The following SENP7 variants were observed in gnomAD, a reference collection of about 807,000 sequenced individuals.
SENP7 encodes SUMO specific peptidase 7.
Under a neutral mutation model 141.2 loss-of-function variants are expected in SENP7, and 64 were observed. The observed-to-expected ratio is 0.45, with a 90% CI of 0.37 to 0.56. The LOEUF is 0.56. Ranked by LOEUF, SENP7 falls within the 20% of genes least tolerant of loss-of-function variation. The probability of loss-of-function intolerance (pLI) is 0.00; values close to 1 mark genes in which losing one functional copy is unlikely to be tolerated. For missense variants in SENP7, 1,025 were observed against 1,212.2 expected, an observed-to-expected ratio of 0.85 and a Z score of 2.29; for synonymous variants, 382 against 426.4, an observed-to-expected ratio of 0.90 and a Z score of 1.28.
intron 3 of SENP7, among the ~76,000 whole-genome samples, chr3:101,488,904 T>C (rs2064844527): frequency 6.6e-6 from 1 of 151,946 alleles, no homozygotes; most frequent in African/African-American, 2.4e-5. Context: ...TAAAGGCAGC[T>C]AGAGAGAAGG....
At chr3:101,429,722 C>G (rs775984945) in intron 4 of SENP7, among the ~76,000 whole-genome samples, 1 of 152,142 alleles carries the variant, frequency 6.6e-6, no homozygotes, top group Non-Finnish European at 1.5e-5. Context: ...ACTTCCAATA[C>G]TACGTTGAAT....
rs1485003089 is a variant in SENP7, at chr3:101,417,535, G to A, written c.482+58C>T. 28 of 1,337,008 alleles carry A rather than the reference G, an allele frequency of 2.1e-5. 1 individual carries two copies. Among genetic ancestry groups the A allele is most frequent in the African/African-American group, 4.3e-5 (3 of 69,170 alleles). 82.8% of individuals were successfully genotyped at this position (1,337,008 alleles called of 1,614,324 possible). ...TCAACAATTTTATCATTAGGAGTAC[G>A]GGATTCATATTATTTCAAATGTGGT... is the stretch of plus-strand genomic sequence containing the variant. On this transcript the variant is annotated intron_variant, in intron 5 of 23. Transcript: ENST00000394095.
chr3:101,438,465 A>G (rs1455280820), intron 4 of SENP7, among the ~76,000 whole-genome samples: 4 of 152,198 alleles, frequency 2.6e-5, no homozygotes, highest in Non-Finnish European at 5.9e-5. Flanking sequence ...TCAGTTTTAC[A>G]AGATGGAAAG....
intron 5 of SENP7, among the ~76,000 whole-genome samples, chr3:101,400,424 A>G (rs746806943): frequency 6.6e-6 from 1 of 151,936 alleles, no homozygotes; most frequent in Non-Finnish European, 1.5e-5. Flanking sequence ...CACATCTATC[A>G]GCATGACTTT....
intron 5 of SENP7, among the ~76,000 whole-genome samples, chr3:101,406,922 C>T (rs1210302412): frequency 1.3e-5 from 2 of 152,174 alleles, no homozygotes; most frequent in Non-Finnish European, 2.9e-5. Flanking sequence ...TCTTCACCCT[C>T]CTCAAACAAA....
Position 101,376,802 on chromosome 3 carries a change from G to GA in SENP7, c.678-4677dup, listed in dbSNP as rs200302212. ...AGTATAATTTAAAAAAATGCAAAAA[G>GA]AAAAAAAAACAGAAGAATTTGAAAC... On this transcript the variant is annotated intron_variant, in intron 6 of 23. Coordinates refer to ENST00000394095, the MANE Select transcript of SENP7 (RefSeq NM_020654.5). 7.2e-3 allele frequency among the ~76,000 whole-genome samples: 1,079 copies of GA among 148,866 alleles called. 11 individuals are homozygous for GA. Among genetic ancestry groups the GA allele is most frequent in the African/African-American group, 0.023 (922 of 40,614 alleles).
At chr3:101,368,292 C>A (rs571264935) in intron 7 of SENP7, among the ~76,000 whole-genome samples, 11 of 151,306 alleles carry the variant, frequency 7.3e-5, no homozygotes, top group African/African-American at 2.7e-4. Flanking sequence ...GCAAAGCCAC[C>A]AAACTGTTTT....
intron 3 of SENP7, among the ~76,000 whole-genome samples, chr3:101,459,555 T>G (rs572919642): frequency 6.6e-6 from 1 of 152,336 alleles, no homozygotes; most frequent in South Asian, 2.1e-4. Context: ...AGTGTTAGCC[T>G]AGGCAAATAA....
intron 12 of SENP7, among the ~76,000 whole-genome samples, chr3:101,349,590 C>T (rs573525312): frequency 7.2e-5 from 11 of 151,980 alleles, no homozygotes; most frequent in African/African-American, 1.4e-4. Context: ...TGCTAAATGA[C>T]GAGTTAATGG....
At chr3:101,366,796 A>T (rs2107393359) in intron 8 of SENP7, 27 bp from the exon 9 acceptor site, 1 of 1,472,650 alleles carries the variant, frequency 6.8e-7, no homozygotes, top group African/African-American at 1.4e-5. Context: ...AGAAAAAAAT[A>T]GCATTTTTCA....
In SENP7 at chr3:101,423,466, C is replaced by T. The variant is rs948106938; in HGVS notation, c.285-5676G>A. ...CATGGCTAGTGGTGGGAATATAATACGGCACAATCACTTATGGCAGCTTGG... is the reference window on the plus strand; with the variant it reads ...CATGGCTAGTGGTGGGAATATAATATGGCACAATCACTTATGGCAGCTTGG... On this transcript the variant is annotated intron_variant, in intron 4 of 23. Coordinates refer to ENST00000394095, the MANE Select transcript of SENP7 (RefSeq NM_020654.5). Among the ~76,000 whole-genome samples, 12 of 151,996 alleles carry T rather than the reference C, an allele frequency of 7.9e-5. 1 individual carries two copies. The highest frequency in any genetic ancestry group is 7.7e-4 in the East Asian group (4 of 5,186).
At chr3:101,501,909 T>C (rs2065397940) in intron 1 of SENP7, among the ~76,000 whole-genome samples, 1 of 152,198 alleles carries the variant, frequency 6.6e-6, no homozygotes, top group Non-Finnish European at 1.5e-5. Context: ...TTCAAAATGA[T>C]GCTGAGGCAA....
At chr3:101,465,985 TATAAA>T (rs2107931351) in intron 3 of SENP7, among the ~76,000 whole-genome samples, 2 of 152,108 alleles carry the variant, frequency 1.3e-5, no homozygotes, top group South Asian at 4.1e-4. Flanking sequence ...TTCAATGAAA[TATAAA>T]ATACAGTTGA....
chr3:101,423,951 C>T (rs1367003970), intron 4 of SENP7, among the ~76,000 whole-genome samples: 1 of 152,138 alleles, frequency 6.6e-6, no homozygotes, highest in Non-Finnish European at 1.5e-5. Context: ...TGATGTGGAG[C>T]CCAGAAGGTT....
chr3:101,390,494 C>G (rs370887069), intron 6 of SENP7, among the ~76,000 whole-genome samples: 2 of 152,142 alleles, frequency 1.3e-5, no homozygotes, highest in East Asian at 3.9e-4. Context: ...AAGTCAAAAA[C>G]TGTAAAAAGA....
chr3:101,448,061 G>T (rs1416002490), intron 4 of SENP7, among the ~76,000 whole-genome samples: 1 of 152,052 alleles, frequency 6.6e-6, no homozygotes, highest in Non-Finnish European at 1.5e-5. Flanking sequence ...TATTAATTAG[G>T]GTACCTATTT....
At chr3:101,327,305 C>A (rs1445870400) in intron 23 of SENP7, among the ~76,000 whole-genome samples, 1 of 151,892 alleles carries the variant, frequency 6.6e-6, no homozygotes, top group African/African-American at 2.4e-5. Flanking sequence ...GTGGGAGGGA[C>A]CTGGTAGGAG....
chr3:101,339,914 T>A (rs1301325351), intron 16 of SENP7, among the ~76,000 whole-genome samples, 181 bp downstream of exon 16: 1 of 152,120 alleles, frequency 6.6e-6, no homozygotes, highest in African/African-American at 2.4e-5. Flanking sequence ...CCACAGTAAG[T>A]AAAGCAATGA....
chr3:101,460,964 A>T (rs952645877), intron 3 of SENP7, among the ~76,000 whole-genome samples: 40 of 147,118 alleles, frequency 2.7e-4, no homozygotes, highest in Admixed American at 1.3e-3. Context: ...TTCAAAATTT[A>T]AAAAAAAAAA....
Sources: allele counts gnomAD v4.1 joint callset (sites outside exome capture counted in the v4.1 genomes callset), GRCh38; gene constraint gnomAD v4.1.1; transcripts MANE v1.5; gene names NCBI Gene and HGNC (gene_info 2026-07-23, HGNC 2026-07-21).